HS3ST3A1: variants seen among roughly 807,000 people sequenced by gnomAD.
HS3ST3A1 encodes the protein heparan sulfate glucosamine 3-O-sulfotransferase 3A1.
A neutral mutation model predicts 25.7 loss-of-function variants in HS3ST3A1; 19 were observed. The observed-to-expected ratio is 0.74, with a 90% CI of 0.52 to 1.08. The LOEUF (loss-of-function observed/expected upper bound fraction) is 1.08, where lower values mean the gene tolerates loss of function less well. HS3ST3A1 is among the 50% of genes least tolerant of loss of function. The pLI, the probability that HS3ST3A1 is intolerant of heterozygous loss-of-function variation, is 0.00. For missense variants in HS3ST3A1, 459 were observed against 594.3 expected (o/e 0.77, Z 2.37); for synonymous variants, 226 against 278.6 (o/e 0.81, Z 1.88).
At chr17:13,513,632 C>T (rs1443099892) in intron 1 of HS3ST3A1, among the ~76,000 whole-genome samples, 1 of 152,182 alleles carries the variant, frequency 6.6e-6, no homozygotes, top group East Asian at 1.9e-4. Context: ...CTTTTGCACT[C>T]TGGAATAAAT....
chr17:13,546,097 C>T (rs1227220345), intron 1 of HS3ST3A1, among the ~76,000 whole-genome samples: 2 of 152,136 alleles, frequency 1.3e-5, no homozygotes, highest in African/African-American at 2.4e-5. Context: ...CCTGTCCGCC[C>T]TCTCTGACTT....
In HS3ST3A1 at chr17:13,514,952, T is replaced by A. The variant is rs1906003381; in HGVS notation, c.600-18134A>T. On this transcript the variant is annotated intron_variant, in intron 1 of 1. Coordinates refer to ENST00000284110, the MANE Select transcript of HS3ST3A1 (RefSeq NM_006042.3). ...ATCAATAAAAGCCATATAATTTTCC[T>A]AGATTAATGAACTATATGTACTAAA... 3.9e-5 allele frequency among the ~76,000 whole-genome samples: 6 copies of A among 152,212 alleles called. No homozygotes were observed. The South Asian group carries it at 1.2e-3, about 32-fold the overall frequency.
intron 1 of HS3ST3A1, among the ~76,000 whole-genome samples, chr17:13,567,773 C>T (rs990121908): frequency 2.6e-5 from 4 of 152,214 alleles, no homozygotes; most frequent in South Asian, 2.1e-4. Flanking sequence ...CACAATAAAC[C>T]TTGAACCGAT....
intron 1 of HS3ST3A1, among the ~76,000 whole-genome samples, chr17:13,498,252 C>T (rs1021672437): frequency 2.0e-5 from 3 of 152,126 alleles, no homozygotes; most frequent in Non-Finnish European, 2.9e-5. Flanking sequence ...CTGATGGCCC[C>T]GATACTTCCT....
chr17:13,505,538 G>C (rs1905634098), intron 1 of HS3ST3A1, among the ~76,000 whole-genome samples: 1 of 152,028 alleles, frequency 6.6e-6, no homozygotes, highest in Non-Finnish European at 1.5e-5. Flanking sequence ...ACCAGGATTA[G>C]GGTGCTGATA....
At position 13,544,868 on chromosome 17, in the gene HS3ST3A1, G is replaced by T. The variant is rs148193503; in HGVS notation, c.600-48050C>A. ...CATGGTGCTCACTCAATTGGGCGTT[G>T]TGCTAATCTGATTAATGAAATGACG... On this transcript the variant is annotated intron_variant, in intron 1 of 1. Transcript: ENST00000284110. Among the ~76,000 whole-genome samples, 1,364 of 152,240 alleles carry T rather than the reference G, an allele frequency of 9.0e-3. 7 individuals carry two copies. The highest frequency in any genetic ancestry group is 0.041 in the Middle Eastern group (12 of 294).
At position 13,495,139 on chromosome 17, in the gene HS3ST3A1, G is replaced by C. The variant is rs941639196; in HGVS notation, c.*1058C>G. Reference sequence around the variant, plus strand: ...TACCTGTAAGTGCTAATTGAAATCTGTTTCTTTTTTTTTTTTAAAGTCAAT... The same window carrying C: ...TACCTGTAAGTGCTAATTGAAATCTCTTTCTTTTTTTTTTTTAAAGTCAAT... On this transcript the variant is annotated 3_prime_UTR_variant, in exon 2 of 2. Transcript: ENST00000284110. Among the ~76,000 whole-genome samples, 1 of 151,568 alleles carries C rather than the reference G, an allele frequency of 6.6e-6. No individual in the cohort carries two copies. Among genetic ancestry groups the C allele is most frequent in the Non-Finnish European group, 1.5e-5 (1 of 67,894 alleles).
At chr17:13,562,214 G>A (rs1907567471) in intron 1 of HS3ST3A1, among the ~76,000 whole-genome samples, 1 of 152,130 alleles carries the variant, frequency 6.6e-6, no homozygotes, top group Admixed American at 6.5e-5. Flanking sequence ...GGAAAAAGGA[G>A]CCGCAGCCTG....
chr17:13,585,357 G>A (rs1044259850), intron 1 of HS3ST3A1, among the ~76,000 whole-genome samples: 2 of 151,012 alleles, frequency 1.3e-5, no homozygotes, highest in Admixed American at 1.3e-4. Flanking sequence ...GCACCACCAC[G>A]CCCGGCTAAT....
Position 13,496,099 on chromosome 17 carries a change from A to G in HS3ST3A1, c.*98T>C, listed in dbSNP as rs958855086. 8 of 1,334,268 alleles carry G rather than the reference A, an allele frequency of 6.0e-6. No individual in the cohort carries two copies. The African/African-American group carries it at 1.2e-4, about 20-fold the overall frequency. The allele number at this position is 1,334,268 out of a possible 1,614,324, so 82.7% of individuals were successfully genotyped here. On this transcript the variant is annotated 3_prime_UTR_variant, in exon 2 of 2. Transcript: ENST00000284110. The stretch of plus-strand genomic sequence containing the variant: ...TAACATTCATTGAAAAAAATACTGA[A>G]ACATATTTTCAGCACAAATATTAAA...
intron 1 of HS3ST3A1, among the ~76,000 whole-genome samples, chr17:13,553,436 C>A (rs918372690): frequency 6.6e-6 from 1 of 152,208 alleles, no homozygotes; most frequent in Non-Finnish European, 1.5e-5. Flanking sequence ...ATAACAGCAT[C>A]ATTACAGACC....
intron 1 of HS3ST3A1, among the ~76,000 whole-genome samples, chr17:13,497,236 C>G (rs1478587087): frequency 6.6e-6 from 1 of 152,140 alleles, no homozygotes. Flanking sequence ...TATCCTGAGC[C>G]CTTCCTGTAG....
chr17:13,536,868 A>G (rs531603144), intron 1 of HS3ST3A1, among the ~76,000 whole-genome samples: 17 of 152,126 alleles, frequency 1.1e-4, no homozygotes, highest in African/African-American at 3.9e-4. Context: ...GGATCCCTAC[A>G]TTTTCTTACT....
chr17:13,532,803 TTG>T (rs1480491934), intron 1 of HS3ST3A1, among the ~76,000 whole-genome samples: 1 of 151,086 alleles, frequency 6.6e-6, no homozygotes, highest in East Asian at 2.0e-4. Context: ...TTTATCATCT[TTG>T]TTGAGTATTT....
intron 1 of HS3ST3A1, among the ~76,000 whole-genome samples, chr17:13,562,129 C>T: frequency 6.6e-6 from 1 of 152,154 alleles, no homozygotes; most frequent in East Asian, 1.9e-4. Context: ...CCTCCCTCTT[C>T]TTTCCCTTCT....
intron 1 of HS3ST3A1, among the ~76,000 whole-genome samples, chr17:13,562,517 A>G (rs568156121): frequency 1.3e-5 from 2 of 152,042 alleles, no homozygotes; most frequent in Non-Finnish European, 2.9e-5. Flanking sequence ...GAATGGCCCT[A>G]TAAAAATGTC....
At chr17:13,557,154 C>T (rs953349955) in intron 1 of HS3ST3A1, among the ~76,000 whole-genome samples, 7 of 152,294 alleles carry the variant, frequency 4.6e-5, no homozygotes, top group African/African-American at 1.7e-4. Context: ...ACGGGTCGGA[C>T]GAAGGCCCAG....
chr17:13,515,918 T>C (rs1211834546), intron 1 of HS3ST3A1, among the ~76,000 whole-genome samples: 1 of 152,202 alleles, frequency 6.6e-6, no homozygotes, highest in Admixed American at 6.5e-5. Context: ...CGTCTTTTTA[T>C]GTGTTTAATT....
In HS3ST3A1 at chr17:13,572,375, G is replaced by C. The variant is rs139640604; in HGVS notation, c.599+28156C>G. On this transcript the variant is annotated intron_variant, in intron 1 of 1. Coordinates refer to ENST00000284110, the MANE Select transcript of HS3ST3A1 (RefSeq NM_006042.3). ...TGTCCAAGGATCCTTTCCATCCTAG[G>C]GGGTGACCGCTCGGACCACTTTCTT... Among the ~76,000 whole-genome samples the C allele has an allele frequency of 3.3e-3, 506 of 152,228 alleles. 2 individuals carry two copies. In the Middle Eastern group the frequency reaches 0.041, roughly 12 times the overall value.
Sources: gnomAD v4.1 joint callset for allele counts (sites outside exome capture counted in the v4.1 genomes callset) on GRCh38, gnomAD v4.1.1 for gene constraint, MANE v1.5 for transcripts, NCBI Gene and HGNC (gene_info 2026-07-23, HGNC 2026-07-21) for gene names.